Variants in FGF14 observed in about 807,000 individuals in gnomAD.
FGF14 encodes the protein fibroblast growth factor 14.
FGF14 carries 5 observed loss-of-function variants against 25.5 expected under a neutral mutation model. That is an observed-to-expected ratio of 0.20 (90% confidence interval 0.10 to 0.41). The LOEUF is 0.41. Among genes scored for constraint, FGF14 ranks in the 10% least tolerant of loss-of-function variants. The pLI is 1.00. For missense variants in FGF14, 222 were observed against 320.1 expected (o/e 0.69, Z 2.34); for synonymous variants, 138 against 118.3 (o/e 1.17, Z -1.08).
At chr13:101,917,206 G>T (rs2033618416), upstream of FGF14, among the ~76,000 whole-genome samples, 1 of 151,916 alleles carries the variant, frequency 6.6e-6, no homozygotes, top group African/African-American at 2.4e-5. Flanking sequence ...GCTTCTGCCG[G>T]TGATTGTCAA....
intron 3 of FGF14, among the ~76,000 whole-genome samples, chr13:101,797,389 G>A (rs1268432794): frequency 5.3e-5 from 8 of 152,158 alleles, no homozygotes; most frequent in Admixed American, 4.6e-4. Context: ...ACATGTAATT[G>A]TGCGTCCTTT....
At chr13:102,033,142 ATT>A (rs2041293445) in intron 1 of FGF14, among the ~76,000 whole-genome samples, 1 of 152,102 alleles carries the variant, frequency 6.6e-6, no homozygotes, top group Non-Finnish European at 1.5e-5. Flanking sequence ...ATATGCCAGT[ATT>A]TATAGTATCT....
At chr13:101,972,255 C>T (rs900393852) in intron 1 of FGF14, among the ~76,000 whole-genome samples, 1 of 152,224 alleles carries the variant, frequency 6.6e-6, no homozygotes, top group African/African-American at 2.4e-5. Flanking sequence ...AAGCCCAGTG[C>T]TGAACGAGGT....
At chr13:101,819,690 T>C (rs1320998431) in intron 3 of FGF14, among the ~76,000 whole-genome samples, 5 of 152,252 alleles carry the variant, frequency 3.3e-5, no homozygotes, top group African/African-American at 7.2e-5. Flanking sequence ...TCCTATTTTC[T>C]AGCAATGATA....
intron 1 of FGF14, among the ~76,000 whole-genome samples, chr13:102,162,904 C>T (rs1167732040): frequency 3.3e-5 from 5 of 152,088 alleles, no homozygotes; most frequent in African/African-American, 7.2e-5. Context: ...TGGTTAGCAG[C>T]GTCCCCCTCA....
chr13:102,057,141 G>A (rs1262027468), intron 1 of FGF14, among the ~76,000 whole-genome samples: 2 of 151,878 alleles, frequency 1.3e-5, no homozygotes, highest in Admixed American at 6.6e-5. Context: ...AAGGAGTAAT[G>A]ATATAATTGT....
At chr13:102,202,086 GCCTCCC>G (rs1414150149) in intron 1 of FGF14, among the ~76,000 whole-genome samples, 1 of 152,140 alleles carries the variant, frequency 6.6e-6, no homozygotes, top group East Asian at 1.9e-4. Context: ...GTGAAGTGCT[GCCTCCC>G]CCTTCGCCTT....
chr13:101,986,411 C>A (rs531948893), intron 1 of FGF14, among the ~76,000 whole-genome samples: 1 of 152,116 alleles, frequency 6.6e-6, no homozygotes, highest in Non-Finnish European at 1.5e-5. Flanking sequence ...CAATCTTACA[C>A]TGGAGTTGTG....
chr13:101,970,278 A>G (rs978969996), intron 1 of FGF14, among the ~76,000 whole-genome samples: 7 of 145,288 alleles, frequency 4.8e-5, no homozygotes, highest in African/African-American at 1.8e-4. Context: ...ATTCAATTCA[A>G]TTTATTCCCA....
intron 1 of FGF14, among the ~76,000 whole-genome samples, chr13:102,024,300 T>TTTTAA (rs2040817435): frequency 6.6e-6 from 1 of 152,114 alleles, no homozygotes; most frequent in African/African-American, 2.4e-5. Context: ...TCTGTCTGAC[T>TTTTAA]TTTAATTTTG....
At chr13:102,293,921 T>C (rs936470726) in intron 1 of FGF14, 5 of 152,132 alleles carry the variant, frequency 3.3e-5, no homozygotes, top group Admixed American at 6.6e-5. Flanking sequence ...CAGAATGTCA[T>C]ATGATACAAT....
In FGF14 at chr13:102,009,839, C is replaced by G. The variant is rs553284131; in HGVS notation, c.209-134543G>C. Among the ~76,000 whole-genome samples, 3 of 152,070 alleles carry G rather than the reference C, an allele frequency of 2.0e-5. No homozygotes were observed. The South Asian group carries it at 6.2e-4, about 32-fold the overall frequency. ...CGTCACTTCTCTTTTCCTCTCCTTC[C>G]CCAACACATGTTTTAGAAATATAGA... is the stretch of plus-strand genomic sequence containing the variant. On this transcript the variant is annotated intron_variant, in intron 1 of 4. Transcript: ENST00000376131.
At position 102,068,368 on chromosome 13, in the gene FGF14, T is replaced by A. The variant is rs531508389; in HGVS notation, c.209-193072A>T. Among the ~76,000 whole-genome samples, 3 of 152,238 alleles carry A rather than the reference T, an allele frequency of 2.0e-5. No homozygotes were observed. The South Asian group carries it at 6.2e-4, about 32-fold the overall frequency. ...GCCTCCTCTGCCTGGGCTCCCACTT[T>A]GGCGGCACTTGAGGAGCCCTTCAGC... On this transcript the variant is annotated intron_variant, in intron 1 of 4. Transcript: ENST00000376131.
chr13:102,160,273 C>A (rs1010148873), intron 1 of FGF14, among the ~76,000 whole-genome samples: 1 of 152,184 alleles, frequency 6.6e-6, no homozygotes, highest in African/African-American at 2.4e-5. Flanking sequence ...GCCCATCCAA[C>A]TGTTTCTGGA....
At chr13:102,265,335 A>G (rs2052935424) in intron 1 of FGF14, among the ~76,000 whole-genome samples, 1 of 152,158 alleles carries the variant, frequency 6.6e-6, no homozygotes, top group Admixed American at 6.6e-5. Context: ...TTTAGCAAAC[A>G]TGGCGGGAGG....
chr13:102,085,271 G>A (rs2140217241), intron 1 of FGF14, among the ~76,000 whole-genome samples: 1 of 152,192 alleles, frequency 6.6e-6, no homozygotes, highest in Middle Eastern at 3.4e-3. Flanking sequence ...AGGAAGAGCT[G>A]AGCTACAAAA....
chr13:102,003,756 C>G (rs1478978837), intron 1 of FGF14, among the ~76,000 whole-genome samples: 2 of 151,516 alleles, frequency 1.3e-5, no homozygotes, highest in Non-Finnish European at 2.9e-5. Flanking sequence ...AAGGCCTGCT[C>G]TTTCCTTTGA....
chr13:102,390,393 A>G (rs188603604), intron 1 of FGF14, among the ~76,000 whole-genome samples: 151 of 152,366 alleles, frequency 9.9e-4, no homozygotes, highest in African/African-American at 3.4e-3. Context: ...AACAGTGAAT[A>G]TATCACAGTC....
At chr13:101,733,932 T>G (rs2035995650) in intron 3 of FGF14, among the ~76,000 whole-genome samples, 1 of 151,708 alleles carries the variant, frequency 6.6e-6, no homozygotes, top group Non-Finnish European at 1.5e-5. Flanking sequence ...ATTTGAATTT[T>G]CACTTATTCA....
Sources: allele counts gnomAD v4.1 joint callset (sites outside exome capture counted in the v4.1 genomes callset), GRCh38; gene constraint gnomAD v4.1.1; transcripts MANE v1.5; gene names NCBI Gene and HGNC (gene_info 2026-07-23, HGNC 2026-07-21).